THSD7A: variants seen among roughly 807,000 people sequenced by gnomAD.
The protein encoded by THSD7A is thrombospondin type 1 domain containing 7A.
Under a neutral mutation model 231.3 loss-of-function variants are expected in THSD7A, and 96 were observed. The observed-to-expected ratio is 0.41, with a 90% CI of 0.35 to 0.49. THSD7A has a LOEUF of 0.49. Ranked by LOEUF, THSD7A falls within the 20% of genes least tolerant of loss-of-function variation. The pLI, the probability that THSD7A is intolerant of heterozygous loss-of-function variation, is 0.05. For synonymous variants in THSD7A, 940 were observed against 743.3 expected, an observed-to-expected ratio of 1.26 and a Z score of -4.30; for missense variants, 2,290 against 2,070.2, an observed-to-expected ratio of 1.11 and a Z score of -2.06.
intron 2 of THSD7A, among the ~76,000 whole-genome samples, chr7:11,595,282 A>G (rs1193715455): frequency 6.6e-6 from 1 of 152,122 alleles, no homozygotes; most frequent in Non-Finnish European, 1.5e-5. Context: ...ACACTTGAGA[A>G]CTGCTTGAAT....
rs1004197537 is a variant in THSD7A at position 11,442,774 on chromosome 7, G to A, written c.3064+3287C>T. Among the ~76,000 whole-genome samples the A allele has an allele frequency of 2.0e-5, 3 of 152,000 alleles. No homozygotes were observed. The South Asian group carries it at 6.2e-4, about 31-fold the overall frequency. The stretch of plus-strand genomic sequence containing the variant: ...CACTAAAATATCAATTGGACATTCC[G>A]TCAGATACCAGATTGAGAAAGGAAT... On this transcript the variant is annotated intron_variant, in intron 13 of 27. Transcript: ENST00000423059.
Position 11,831,920 on chromosome 7 carries a change from C to T in THSD7A, c.27G>A (p.Ala9=), listed in dbSNP as rs1785210334. 1.6e-6 allele frequency: 2 copies of T among 1,235,984 alleles called. No individual in the cohort carries two copies. The highest frequency in any genetic ancestry group is 3.1e-4 in the Middle Eastern group (1 of 3,198). The allele number at this position is 1,235,984 out of a possible 1,614,324, so 76.6% of individuals were successfully genotyped here. The change falls in exon 1 of 28, where the codon GCG becomes GCA. Residue 9 remains alanine (A), a synonymous_variant. Coordinates refer to ENST00000423059, the MANE Select transcript of THSD7A (RefSeq NM_015204.3). This position sits in a 1 kb window ranked among gnomAD's most constrained non-coding sequence, Gnocchi z 5.0. ...GCCCCGCAGCGCCCCGGCTCCCGGA[C>T]GCCCAGCGCCTGGCTTGCAGCCCCA... MGLQARRW[A]SGSRGAAGPR... is the part of the protein sequence containing the mutation.
intron 1 of THSD7A, among the ~76,000 whole-genome samples, chr7:11,798,143 T>C (rs1396500773): frequency 6.6e-6 from 1 of 152,024 alleles, no homozygotes; most frequent in Admixed American, 6.6e-5. Context: ...GACAGCATGA[T>C]TATTAGCACT....
chr7:11,560,969 A>T (rs1790053088), intron 4 of THSD7A, among the ~76,000 whole-genome samples: 1 of 152,204 alleles, frequency 6.6e-6, no homozygotes, highest in African/African-American at 2.4e-5. Flanking sequence ...CAAGTACTTA[A>T]CAGATACTAA....
At chr7:11,476,685 T>C (rs1303174783) in intron 7 of THSD7A, among the ~76,000 whole-genome samples, 1 of 151,810 alleles carries the variant, frequency 6.6e-6, no homozygotes, top group Non-Finnish European at 1.5e-5. Context: ...GGCATGGTGG[T>C]GCTCCTGTAA....
At chr7:11,515,039 G>C (rs948073973) in intron 6 of THSD7A, among the ~76,000 whole-genome samples, 1 of 152,090 alleles carries the variant, frequency 6.6e-6, no homozygotes, top group Non-Finnish European at 1.5e-5. Flanking sequence ...AGTGGCATAA[G>C]TGATAAATGA....
intron 1 of THSD7A, among the ~76,000 whole-genome samples, chr7:11,772,217 A>C (rs1470300596): frequency 1.3e-5 from 2 of 151,890 alleles, no homozygotes; most frequent in African/African-American, 2.4e-5. Flanking sequence ...ACAAAAAAAA[A>C]CAAAACAAAA....
chr7:11,573,670 T>A (rs1302729863), intron 4 of THSD7A, among the ~76,000 whole-genome samples: 3 of 152,238 alleles, frequency 2.0e-5, no homozygotes, highest in Non-Finnish European at 4.4e-5. Flanking sequence ...TTTCTGATTA[T>A]TTTAATTATT....
chr7:11,816,007 C>G (rs1274335325), intron 1 of THSD7A, among the ~76,000 whole-genome samples: 2 of 152,144 alleles, frequency 1.3e-5, no homozygotes. Flanking sequence ...ATTGTGTAAA[C>G]TGCTTATCTT....
intron 1 of THSD7A, among the ~76,000 whole-genome samples, chr7:11,778,287 AAAAAAATGAT>A (rs1554276951): frequency 9.6e-4 from 24 of 25,102 alleles, no homozygotes; most frequent in Admixed American, 2.3e-3. Flanking sequence ...TCTAAATGAT[AAAAAAATGAT>A]AAAAAACTTC....
intron 23 of THSD7A, chr7:11,384,457 A>G (rs1782650192): frequency 6.6e-6 from 1 of 151,882 alleles, no homozygotes; most frequent in Non-Finnish European, 1.5e-5. Flanking sequence ...GAGTTCATGA[A>G]AATATCCTCT....
At chr7:11,585,577 C>T (rs1779854724) in intron 4 of THSD7A, among the ~76,000 whole-genome samples, 1 of 152,170 alleles carries the variant, frequency 6.6e-6, no homozygotes, top group African/African-American at 2.4e-5. Flanking sequence ...GACCAAAACA[C>T]TTTTAATATT....
At chr7:11,445,538 T>TGA (rs1306700933) in intron 13 of THSD7A, among the ~76,000 whole-genome samples, 1 of 151,936 alleles carries the variant, frequency 6.6e-6, no homozygotes, top group Non-Finnish European at 1.5e-5. Flanking sequence ...TGTGTGTGTG[T>TGA]GTGTGTCAAT....
intron 6 of THSD7A, among the ~76,000 whole-genome samples, chr7:11,530,055 G>A (rs1195119759): frequency 6.6e-6 from 1 of 152,162 alleles, no homozygotes; most frequent in African/African-American, 2.4e-5. Flanking sequence ...AAGTGGCAAA[G>A]TTAGCATGTG....
At chr7:11,614,134 T>G (rs765705149) in intron 2 of THSD7A, among the ~76,000 whole-genome samples, 3 of 152,188 alleles carry the variant, frequency 2.0e-5, no homozygotes, top group Non-Finnish European at 4.4e-5. Context: ...GTATTATTCT[T>G]CTCAGAGCCA....
At chr7:11,693,851 G>A (rs549870920) in intron 1 of THSD7A, among the ~76,000 whole-genome samples, 3 of 151,338 alleles carry the variant, frequency 2.0e-5, no homozygotes, top group Non-Finnish European at 4.4e-5. Context: ...TTTTAATAAG[G>A]TTTTATAATA....
intron 2 of THSD7A, among the ~76,000 whole-genome samples, chr7:11,607,746 A>C (rs888504334): frequency 6.6e-6 from 1 of 152,082 alleles, no homozygotes; most frequent in Non-Finnish European, 1.5e-5. Flanking sequence ...ATTCTGTTGG[A>C]GGCAAAATGC....
intron 2 of THSD7A, among the ~76,000 whole-genome samples, chr7:11,608,290 T>TA (rs1442074890): frequency 6.6e-5 from 10 of 152,302 alleles, no homozygotes; most frequent in African/African-American, 2.2e-4. Context: ...TTTTAAAACT[T>TA]AAACAAGAAG....
intron 16 of THSD7A, among the ~76,000 whole-genome samples, chr7:11,423,337 A>G (rs1331833890): frequency 6.6e-6 from 1 of 151,208 alleles, no homozygotes; most frequent in Admixed American, 6.6e-5. Context: ...GGTAAGAATG[A>G]ACTTCTTCAT....
Sources: allele counts gnomAD v4.1 joint callset (sites outside exome capture counted in the v4.1 genomes callset), GRCh38; gene constraint gnomAD v4.1.1; non-coding constraint Gnocchi (gnomAD v3.1); transcripts MANE v1.5; gene names NCBI Gene and HGNC (gene_info 2026-07-23, HGNC 2026-07-21).